DSG1: variants seen among roughly 807,000 people sequenced by gnomAD.
The protein encoded by DSG1 is desmoglein-1.
Under a neutral mutation model 97.5 loss-of-function variants are expected in DSG1, and 39 were observed. The observed-to-expected ratio is 0.40, with a 90% CI of 0.31 to 0.52. The LOEUF (loss-of-function observed/expected upper bound fraction) is 0.52, where lower values mean the gene tolerates loss of function less well. Ranked by LOEUF, DSG1 falls within the 20% of genes least tolerant of loss-of-function variation. The pLI is 0.53. For synonymous variants in DSG1, 475 were observed against 443.4 expected (o/e 1.07, Z -0.90); for missense variants, 1,311 against 1,295.4 (o/e 1.01, Z -0.18).
intron 6 of DSG1, 37 bp from the exon 7 acceptor site, chr18:31,333,552 C>G: frequency 6.2e-7 from 1 of 1,613,208 alleles, no homozygotes; most frequent in Non-Finnish European, 8.5e-7. Context: ...AGGCTGTCTA[C>G]GTCAAGTGTG....
In DSG1 at chr18:31,347,319, T is replaced by A. The variant is rs868077920; in HGVS notation, c.2100+1121T>A. ...CTTCCTTCCAATCTCTGATCAAATATCACTTTATCAGAGACCCCTTCCTTG... is the reference window on the plus strand; with the variant it reads ...CTTCCTTCCAATCTCTGATCAAATAACACTTTATCAGAGACCCCTTCCTTG... On this transcript the variant is annotated intron_variant, in intron 14 of 14. Coordinates refer to ENST00000257192, the MANE Select transcript of DSG1 (RefSeq NM_001942.4). 2.0e-5 allele frequency among the ~76,000 whole-genome samples: 3 copies of A among 152,170 alleles called. No individual in the cohort carries two copies. The South Asian group carries it at 6.2e-4, about 32-fold the overall frequency.
intron 8 of DSG1, among the ~76,000 whole-genome samples, chr18:31,335,110 G>T (rs1335724043): frequency 6.6e-6 from 1 of 152,106 alleles, no homozygotes; most frequent in African/African-American, 2.4e-5. Context: ...TCTTCTTAAA[G>T]TGTCACCATG....
intron 1 of DSG1, among the ~76,000 whole-genome samples, chr18:31,324,138 G>A (rs952026313): frequency 9.3e-5 from 14 of 150,998 alleles, no homozygotes; most frequent in African/African-American, 3.4e-4. Context: ...CACGCACCAC[G>A]ACGCCCAGCT....
At chr18:31,329,092 C>G (rs2071704572) in intron 4 of DSG1, among the ~76,000 whole-genome samples, 1 of 152,060 alleles carries the variant, frequency 6.6e-6, no homozygotes, top group East Asian at 1.9e-4. Context: ...AAATCAAAAG[C>G]AGGATCAATT....
chr18:31,318,353 G>T lies in DSG1; in HGVS notation c.48+5G>T. ...GCAATGCTGTTCATTTTTCTGGTGA[G>T]TGGATTCTGGTAAAAGTCCTTCATA... On this transcript the variant is annotated splice_donor_5th_base_variant and intron_variant, in intron 1 of 14. Coordinates refer to ENST00000257192, the MANE Select transcript of DSG1 (RefSeq NM_001942.4). 6.2e-7 allele frequency: 1 copy of T among 1,611,916 alleles called. No homozygotes were observed. The highest frequency in any genetic ancestry group is 8.5e-7 in the Non-Finnish European group (1 of 1,177,982).
In DSG1 at chr18:31,329,951, A is replaced by G. The variant is rs930514770; in HGVS notation, c.432A>G (p.Arg144=). The change falls in exon 5 of 15, where the codon AGA becomes AGG. Residue 144 remains arginine, a synonymous_variant. Transcript: ENST00000257192. The stretch of plus-strand genomic sequence containing the variant: ...ATTTAGAGAGGCCTCTAGAGCTCAG[A>G]GTCAGGGTTTTGGATATAAATGACA... ...GQDLERPLEL[R]VRVLDINDNP... 1.2e-6 allele frequency: 2 copies of G among 1,613,382 alleles called. No homozygotes were observed. The highest frequency in any genetic ancestry group is 1.7e-4 in the Middle Eastern group (1 of 6,056).
Position 31,354,593 on chromosome 18 carries a change from C to G in DSG1, c.2397C>G (p.Ile799Met). 1 of 1,614,202 alleles carries G rather than the reference C, an allele frequency of 6.2e-7. No homozygotes were observed. Among genetic ancestry groups the G allele is most frequent in the Non-Finnish European group, 8.5e-7 (1 of 1,180,038 alleles). Reference sequence around the variant, plus strand: ...CCGTTGTTAGTGGACACCCACCAATCTCCCCACATTTCGGCACTACCACAG... The same window carrying G: ...CCGTTGTTAGTGGACACCCACCAATGTCCCCACATTTCGGCACTACCACAG... ...TEPVVSGHPP[I>M]SPHFGTTTVI... Residue 799 changes from isoleucine to methionine, a missense_variant, in exon 15 of 15, where the codon ATC becomes ATG. Ile to Met is a conservative substitution (Grantham distance 10). This residue lies in a region of DSG1 where 1,038 missense variants were observed against 964.6 expected (regional missense o/e 1.08). Transcript: ENST00000257192.
At chr18:31,319,090 G>A (rs1354880422) in intron 1 of DSG1, among the ~76,000 whole-genome samples, 3 of 152,138 alleles carry the variant, frequency 2.0e-5, no homozygotes, top group Non-Finnish European at 4.4e-5. Flanking sequence ...ATCGTCTGAC[G>A]AATGTAATGA....
rs192317175 is a variant in DSG1 at position 31,357,825 on chromosome 18, C to A, written c.*2479C>A. Among the ~76,000 whole-genome samples, 61 of 152,128 alleles carry A rather than the reference C, an allele frequency of 4.0e-4. No individual in the cohort carries two copies. The highest frequency in any genetic ancestry group is 3.4e-4 in the Non-Finnish European group (23 of 67,878). Reference sequence around the variant, plus strand: ...AAAAACTGAAGTATTAGTCACCTATCTTTCTGGGAAGATACTTTCCAACTA... The same window carrying A: ...AAAAACTGAAGTATTAGTCACCTATATTTCTGGGAAGATACTTTCCAACTA... On this transcript the variant is annotated 3_prime_UTR_variant, in exon 15 of 15. Transcript: ENST00000257192.
chr18:31,321,334 C>A (rs547329387), intron 1 of DSG1, among the ~76,000 whole-genome samples: 66 of 152,144 alleles, frequency 4.3e-4, no homozygotes, highest in African/African-American at 1.6e-3. Flanking sequence ...GAAGAACTAA[C>A]AAATTAGTAC....
intron 11 of DSG1, among the ~76,000 whole-genome samples, chr18:31,340,635 C>T (rs2071783351): frequency 6.6e-6 from 1 of 151,424 alleles, no homozygotes; most frequent in African/African-American, 2.4e-5. Flanking sequence ...AAGAATTAGC[C>T]TGATGGACAA....
chr18:31,327,390 A>G (rs913602601), intron 3 of DSG1, among the ~76,000 whole-genome samples: 1 of 152,136 alleles, frequency 6.6e-6, no homozygotes, highest in African/African-American at 2.4e-5. Flanking sequence ...TTGTTTATTA[A>G]CATTCACAAG....
At chr18:31,328,126 C>CATATATCATCATCACAT in intron 3 of DSG1, 63 bp from the exon 4 acceptor site, 1 of 1,563,256 alleles carries the variant, frequency 6.4e-7, no homozygotes, top group Non-Finnish European at 8.8e-7. Flanking sequence ...AGAAAGCTGT[C>CATATATCATCATCACAT]GTATATCAAA....
intron 9 of DSG1, 84 bp downstream of exon 9, chr18:31,336,697 T>C: frequency 7.4e-7 from 1 of 1,345,188 alleles, no homozygotes; most frequent in Non-Finnish European, 1.0e-6. Flanking sequence ...AGTATCTGAG[T>C]TAAAATACTT....
chr18:31,334,362 T>A (rs1379004407), intron 8 of DSG1, among the ~76,000 whole-genome samples, 160 bp downstream of exon 8: 1 of 152,142 alleles, frequency 6.6e-6, no homozygotes, highest in Non-Finnish European at 1.5e-5. Context: ...TTTAATATAG[T>A]CTTTCTGCTT....
At position 31,343,602 on chromosome 18, in the gene DSG1, GAA is replaced by G. The variant is rs1568045566; in HGVS notation, c.1821+21_1821+22del. On this transcript the variant is annotated intron_variant, in intron 12 of 14. Coordinates refer to ENST00000257192, the MANE Select transcript of DSG1 (RefSeq NM_001942.4). The stretch of plus-strand genomic sequence containing the variant: ...ACCCAGGGTAAGTGCCACATTCTAA[GAA>G]ATAGCCGTTGGTAGTCACTGAAATT... 6.2e-7 allele frequency: 1 copy of G among 1,614,094 alleles called. No individual in the cohort carries two copies. Among genetic ancestry groups the G allele is most frequent in the Non-Finnish European group, 8.5e-7 (1 of 1,179,994 alleles).
At chr18:31,337,537 G>A (rs1171908068) in intron 9 of DSG1, among the ~76,000 whole-genome samples, 1 of 152,158 alleles carries the variant, frequency 6.6e-6, no homozygotes, top group African/African-American at 2.4e-5. Context: ...ACAGGCTTAA[G>A]CCACCGCACT....
In DSG1 at chr18:31,355,038, A is replaced by G; in HGVS notation, c.2842A>G (p.Asn948Asp). The change falls in exon 15 of 15, where the codon AAT becomes GAT. Residue 948 changes from asparagine to aspartate, a missense_variant. Asn to Asp is a conservative substitution (Grantham distance 23). Around this residue, in one of 3 missense-constraint regions of DSG1, gnomAD observed 1,038 missense variants for 964.6 expected, o/e 1.08. Coordinates refer to ENST00000257192, the MANE Select transcript of DSG1 (RefSeq NM_001942.4). ...SMHPELANAH[N>D]VIVTERVVSG... The stretch of plus-strand genomic sequence containing the variant: ...GCACCCCGAGTTAGCCAATGCCCAC[A>G]ATGTCATTGTGACAGAGAGGGTTGT... The G allele has an allele frequency of 3.1e-6, 5 of 1,614,208 alleles. No individual in the cohort carries two copies. The highest frequency in any genetic ancestry group is 4.2e-6 in the Non-Finnish European group (5 of 1,180,034).
rs112421412 is a variant in DSG1 at position 31,356,617 on chromosome 18, G to T, written c.*1271G>T. 6.6e-6 allele frequency: 1 copy of T among 152,144 alleles called. No individual in the cohort carries two copies. Among genetic ancestry groups the T allele is most frequent in the African/African-American group, 2.4e-5 (1 of 41,440 alleles). The allele number at this position is 152,144 out of a possible 1,614,324, so 9.4% of individuals were successfully genotyped here. A position where few individuals can be genotyped will look rare whatever the true frequency, so the allele number is the denominator to read the frequency against. On this transcript the variant is annotated 3_prime_UTR_variant, in exon 15 of 15. Transcript: ENST00000257192. ...TCAACCAGGAACCTTTAGCAGAATT[G>T]ACAATATGGTGTTGATAAGCATGAA... is the stretch of plus-strand genomic sequence containing the variant.
Sources: allele counts gnomAD v4.1 joint callset (sites outside exome capture counted in the v4.1 genomes callset), GRCh38; gene constraint gnomAD v4.1.1; regional missense constraint gnomAD v4.1.1; transcripts MANE v1.5; gene names NCBI Gene and HGNC (gene_info 2026-07-23, HGNC 2026-07-21).